The following CRTAC1 variants were observed in gnomAD, a reference collection of about 807,000 sequenced individuals.
CRTAC1 encodes the protein cartilage acidic protein 1.
A neutral mutation model predicts 67.8 loss-of-function variants in CRTAC1; 37 were observed. The ratio of observed to expected loss-of-function variants is 0.55; its 90% confidence interval spans 0.42 to 0.72. The LOEUF (loss-of-function observed/expected upper bound fraction) is 0.72, where lower values mean the gene tolerates loss of function less well. Among genes scored for constraint, CRTAC1 ranks in the 30% least tolerant of loss-of-function variants. The pLI, the probability that CRTAC1 is intolerant of heterozygous loss-of-function variation, is 0.00. For missense variants in CRTAC1, 780 were observed against 931.6 expected (o/e 0.84, Z 2.12); for synonymous variants, 348 against 371.0 (o/e 0.94, Z 0.71).
At chr10:97,880,022 TCAGGCCAGGACA>T (rs1334811672) in intron 14 of CRTAC1, among the ~76,000 whole-genome samples, 1 of 152,164 alleles carries the variant, frequency 6.6e-6, no homozygotes, top group Non-Finnish European at 1.5e-5. Flanking sequence ...AATGATAGCC[TCAGGCCAGGACA>T]CAGCATCCCC....
rs150387617 is a variant in CRTAC1, at chr10:97,876,200, C to G, written c.1819+4049G>C. ...AGTGGTAGTTGAGAGTGCCAGCTGA[C>G]AGCCAGACTCCTGGGATCCAGTCCT... is the stretch of plus-strand genomic sequence containing the variant. On this transcript the variant is annotated intron_variant, in intron 14 of 14. Coordinates refer to ENST00000370597, the MANE Select transcript of CRTAC1 (RefSeq NM_018058.7). Among the ~76,000 whole-genome samples, 616 of 152,300 alleles carry G rather than the reference C, an allele frequency of 4.0e-3. 2 individuals carry two copies. Among genetic ancestry groups the G allele is most frequent in the African/African-American group, 0.014 (564 of 41,544 alleles).
At chr10:97,933,611 T>C (rs1264027290) in intron 3 of CRTAC1, among the ~76,000 whole-genome samples, 1 of 152,254 alleles carries the variant, frequency 6.6e-6, no homozygotes, top group Non-Finnish European at 1.5e-5. Context: ...GAGAGGGGAC[T>C]CAGATACCCG....
At chr10:97,893,694 G>A (rs560160996) in intron 11 of CRTAC1, among the ~76,000 whole-genome samples, 42 of 152,280 alleles carry the variant, frequency 2.8e-4, no homozygotes, top group South Asian at 1.0e-3. Flanking sequence ...GCCATGGCAT[G>A]AGGCACCACA....
rs550469088 is a variant in CRTAC1 at position 97,926,276 on chromosome 10, C to T, written c.422-2876G>A. On this transcript the variant is annotated intron_variant, in intron 3 of 14. Coordinates refer to ENST00000370597, the MANE Select transcript of CRTAC1 (RefSeq NM_018058.7). ...AGCACAGGGCCCCGACCCAGTCGGC[C>T]GGAGTCGCATCCCACATCTGAGGCT... 1.5e-4 allele frequency among the ~76,000 whole-genome samples: 23 copies of T among 152,298 alleles called. No individual in the cohort carries two copies. In the South Asian group the frequency reaches 3.3e-3, roughly 22 times the overall value.
chr10:97,988,884 T>C (rs183487919), intron 2 of CRTAC1, among the ~76,000 whole-genome samples: 33 of 152,344 alleles, frequency 2.2e-4, no homozygotes, highest in Non-Finnish European at 4.1e-4. Flanking sequence ...AGATTAATCA[T>C]TGTTTCTGGT....
At chr10:98,019,273 T>A (rs955722957) in intron 1 of CRTAC1, among the ~76,000 whole-genome samples, 1 of 152,174 alleles carries the variant, frequency 6.6e-6, no homozygotes, top group African/African-American at 2.4e-5. Flanking sequence ...GCCGCCTGGC[T>A]TATAAGCTAG....
At chr10:97,919,424 T>C (rs1386634278) in intron 4 of CRTAC1, among the ~76,000 whole-genome samples, 5 of 152,204 alleles carry the variant, frequency 3.3e-5, no homozygotes, top group Non-Finnish European at 1.5e-5. Flanking sequence ...GTAGAGAAAC[T>C]ACAGCAGTTA....
At chr10:97,977,436 A>G (rs2051825666) in intron 2 of CRTAC1, among the ~76,000 whole-genome samples, 1 of 152,188 alleles carries the variant, frequency 6.6e-6, no homozygotes, top group Non-Finnish European at 1.5e-5. Context: ...ATGGGGCAGG[A>G]CACTGTGAAA....
intron 3 of CRTAC1, among the ~76,000 whole-genome samples, chr10:97,934,187 C>CT (rs1174608738): frequency 1.3e-5 from 2 of 152,186 alleles, no homozygotes; most frequent in Admixed American, 1.3e-4. Context: ...GGACTCACCC[C>CT]TTCTATAGGC....
chr10:97,950,240 CACACACAGAGAG>C (rs1386273958), intron 2 of CRTAC1, among the ~76,000 whole-genome samples: 3 of 104,224 alleles, frequency 2.9e-5, no homozygotes, highest in African/African-American at 1.1e-4. Flanking sequence ...CGTGCACACA[CACACACAGAGAG>C]AGAGAGAGAG....
intron 1 of CRTAC1, among the ~76,000 whole-genome samples, chr10:98,028,344 G>A (rs1279740321): frequency 2.6e-5 from 4 of 152,216 alleles, no homozygotes; most frequent in African/African-American, 7.2e-5. Flanking sequence ...CAGTGGTCCT[G>A]AGCCAGGTAC....
At chr10:97,974,338 T>C (rs2051764017) in intron 2 of CRTAC1, among the ~76,000 whole-genome samples, 1 of 152,136 alleles carries the variant, frequency 6.6e-6, no homozygotes, top group Non-Finnish European at 1.5e-5. Flanking sequence ...CTCACTTTGT[T>C]GTACATTTTG....
intron 14 of CRTAC1, among the ~76,000 whole-genome samples, chr10:97,878,086 C>T (rs867701669): frequency 6.6e-6 from 1 of 152,200 alleles, no homozygotes; most frequent in Non-Finnish European, 1.5e-5. Context: ...ATAGTCTGAA[C>T]AGTGACAGAG....
At chr10:97,999,067 G>A (rs952784823) in intron 2 of CRTAC1, among the ~76,000 whole-genome samples, 3 of 152,208 alleles carry the variant, frequency 2.0e-5, no homozygotes, top group Admixed American at 6.5e-5. Flanking sequence ...CTGCCATCAC[G>A]CTGGCTGCAG....
intron 2 of CRTAC1, among the ~76,000 whole-genome samples, chr10:97,991,332 A>G (rs1842451394): frequency 6.6e-6 from 1 of 151,642 alleles, no homozygotes; most frequent in East Asian, 1.9e-4. Context: ...AGAATCACTT[A>G]AACCCAGGAG....
intron 2 of CRTAC1, among the ~76,000 whole-genome samples, chr10:97,950,246 C>CACAG (rs1447953866): frequency 0.04 from 4,506 of 113,162 alleles, 112 homozygotes; most frequent in Non-Finnish European, 0.052. Context: ...CACACACACA[C>CACAG]AGAGAGAGAG....
intron 2 of CRTAC1, among the ~76,000 whole-genome samples, chr10:97,985,504 T>G (rs746660864): frequency 6.6e-6 from 1 of 152,126 alleles, no homozygotes; most frequent in Non-Finnish European, 1.5e-5. Context: ...CTTGTCCTAA[T>G]GAAGAGAGCA....
intron 12 of CRTAC1, 113 bp downstream of exon 12, chr10:97,884,093 T>A: frequency 2.3e-6 from 3 of 1,282,414 alleles, no homozygotes; most frequent in Non-Finnish European, 2.1e-6. Flanking sequence ...TTTGCCAAGA[T>A]TTCCATCACT....
At chr10:97,882,715 T>A in intron 13 of CRTAC1, 71 bp downstream of exon 13, 1 of 1,545,648 alleles carries the variant, frequency 6.5e-7, no homozygotes, top group Non-Finnish European at 8.9e-7. Context: ...GACCTTGGCA[T>A]GAGTCAGGCG....
Sources: allele counts gnomAD v4.1 joint callset (sites outside exome capture counted in the v4.1 genomes callset), GRCh38; gene constraint gnomAD v4.1.1; transcripts MANE v1.5; gene names NCBI Gene and HGNC (gene_info 2026-07-23, HGNC 2026-07-21).